SYNE2: variants seen among roughly 807,000 people sequenced by gnomAD.
The protein encoded by SYNE2 is spectrin repeat containing nuclear envelope protein 2.
In SYNE2, 431 loss-of-function variants were observed where a neutral mutation model predicts 856.3. The ratio of observed to expected loss-of-function variants is 0.50; its 90% CI spans 0.47 to 0.55. SYNE2 has a LOEUF of 0.55. SYNE2 is among the 20% of genes least tolerant of loss of function. The pLI, the probability that SYNE2 is intolerant of heterozygous loss-of-function variation, is 0.00. For synonymous variants in SYNE2, 2,923 were observed against 2,872.3 expected, an observed-to-expected ratio of 1.02 and a Z score of -0.56; for missense variants, 8,129 against 8,023.2, an observed-to-expected ratio of 1.01 and a Z score of -0.50.
intron 79 of SYNE2, among the ~76,000 whole-genome samples, chr14:64,139,478 C>T (rs2098123728): frequency 6.6e-6 from 1 of 151,838 alleles, no homozygotes; most frequent in South Asian, 2.1e-4. Context: ...GTGGCGCAAT[C>T]TCGGCTCACT....
chr14:64,089,843 C>G, intron 59 of SYNE2, 147 bp downstream of exon 59: 1 of 647,412 alleles, frequency 1.5e-6, no homozygotes, highest in Non-Finnish European at 2.6e-6. Flanking sequence ...ATAACTATAA[C>G]TGTATATTTA....
intron 45 of SYNE2, among the ~76,000 whole-genome samples, chr14:64,038,762 A>G: frequency 6.6e-6 from 1 of 152,228 alleles, no homozygotes; most frequent in Admixed American, 6.5e-5. Context: ...AGAATCAGGC[A>G]GGGAGGTTGC....
At chr14:63,822,796 G>A (rs74677049) in intron 1 of SYNE2, among the ~76,000 whole-genome samples, 1 of 152,100 alleles carries the variant, frequency 6.6e-6, no homozygotes, top group Admixed American at 6.6e-5. Context: ...TATAACGGTA[G>A]ACACCTATAT....
chr14:63,860,589 A>C (rs1025984398), intron 1 of SYNE2, among the ~76,000 whole-genome samples: 1 of 152,014 alleles, frequency 6.6e-6, no homozygotes, highest in African/African-American at 2.4e-5. Context: ...TGGTGCTTGG[A>C]TTTTCCTAGA....
rs530177448 is a variant in SYNE2 at position 64,002,762 on chromosome 14, C to T, written c.3829C>T (p.Arg1277Cys). 3.0e-5 allele frequency: 48 copies of T among 1,613,468 alleles called. No homozygotes were observed. Among genetic ancestry groups the T allele is most frequent in the South Asian group, 1.3e-4 (12 of 91,016 alleles). Reference sequence around the variant, plus strand: ...AGCAAAACAGATTGAAATATGTAACCGCTTAGAAGAGCCAGGCAACTTTGT... The same window carrying T: ...AGCAAAACAGATTGAAATATGTAACTGCTTAGAAGAGCCAGGCAACTTTGT... ...SIAKQIEICN[R>C]LEEPGNFVLK... The change falls in exon 30 of 116, where the codon CGC becomes TGC. Residue 1277 changes from arginine to cysteine, a missense_variant. Physicochemically the swap from Arg to Cys is radical, Grantham distance 180. Coordinates refer to ENST00000555002, the MANE Select transcript of SYNE2 (RefSeq NM_182914.3).
At chr14:64,055,856 A>G (rs980762947) in intron 48 of SYNE2, 88 bp from the exon 49 acceptor site, 51 of 907,078 alleles carry the variant, frequency 5.6e-5, no homozygotes, top group Non-Finnish European at 8.5e-5. Context: ...TCAGAGACAT[A>G]TTATCTATGT....
In SYNE2 at chr14:64,087,680, G is replaced by A. The variant is rs1156350923; in HGVS notation, c.11494G>A (p.Glu3832Lys). 6.2e-7 allele frequency: 1 copy of A among 1,613,958 alleles called. No individual in the cohort carries two copies. Among genetic ancestry groups the A allele is most frequent in the Admixed American group, 1.7e-5 (1 of 60,012 alleles). Residue 3832 changes from glutamate (E) to lysine (K), a missense_variant, in exon 58 of 116, where the codon GAA (glutamate) becomes AAA (lysine). Physicochemically the swap from Glu to Lys is moderately conservative, Grantham distance 56 (BLOSUM62 1). Around this residue, in one of 3 missense-constraint regions of SYNE2, gnomAD observed 5,410 missense variants for 5,284.8 expected, o/e 1.02. Coordinates refer to ENST00000555002, the MANE Select transcript of SYNE2 (RefSeq NM_182914.3). ...TTCTGTGTTTATCTAGATGGCTTTG[G>A]AAGATTCAGAACAGAAGCACAATCT... is the stretch of plus-strand genomic sequence containing the variant. The part of the protein sequence containing the change: ...HHASTVQMAL[E>K]DSEQKHNLLH...
At chr14:64,164,042 C>T (rs2098352141) in intron 89 of SYNE2, among the ~76,000 whole-genome samples, 1 of 152,126 alleles carries the variant, frequency 6.6e-6, no homozygotes, top group South Asian at 2.1e-4. Flanking sequence ...GCCTCAGCCT[C>T]CCGGATAGCT....
chr14:63,846,529 C>A (rs1272488434), intron 1 of SYNE2, among the ~76,000 whole-genome samples: 1 of 151,638 alleles, frequency 6.6e-6, no homozygotes, highest in Non-Finnish European at 1.5e-5. Context: ...ATTCTGTTTT[C>A]CATTTCATCC....
In SYNE2 at chr14:63,919,972, G is replaced by GTTTTTTTTTTTTTTTTTTTTTT. The variant is rs10673123; in HGVS notation, c.79+10764_79+10765insTTTTTTTTTTTTTTTTTTTTTT. 2.4e-4 allele frequency among the ~76,000 whole-genome samples: 26 copies of GTTTTTTTTTTTTTTTTTTTTTT among 110,592 alleles called. No homozygotes were observed. In the Middle Eastern group the frequency reaches 0.015, roughly 64 times the overall value. The allele number at this position is 110,592 out of a possible 152,430, so 72.6% of individuals were successfully genotyped here. ...ATATCAGGCACATGATAAAAGGTAAGTTTTTTTTTTTTTTTTTTTAAGGTA... is the reference window on the plus strand; with the variant it reads ...ATATCAGGCACATGATAAAAGGTAAGTTTTTTTTTTTTTTTTTTTTTTTTTTTTTTTTTTTTTTTTTAAGGTA... On this transcript the variant is annotated intron_variant, in intron 2 of 115. Coordinates refer to ENST00000555002, the MANE Select transcript of SYNE2 (RefSeq NM_182914.3).
At chr14:63,782,097 T>C (rs1274616579) in intron 1 of SYNE2, among the ~76,000 whole-genome samples, 2 of 150,134 alleles carry the variant, frequency 1.3e-5, no homozygotes, top group South Asian at 2.1e-4. Flanking sequence ...TTCATGCCAC[T>C]GCACTTTAAG....
At chr14:64,064,337 T>G (rs921497724) in intron 50 of SYNE2, among the ~76,000 whole-genome samples, 1 of 152,138 alleles carries the variant, frequency 6.6e-6, no homozygotes, top group Non-Finnish European at 1.5e-5. Context: ...CCAGGTGGGA[T>G]GGAGAGAGAT....
chr14:64,030,634 T>C (rs1351217703), intron 44 of SYNE2, among the ~76,000 whole-genome samples: 1 of 152,236 alleles, frequency 6.6e-6, no homozygotes, highest in Non-Finnish European at 1.5e-5. Flanking sequence ...TAGCATTAGA[T>C]TCATTGGGTA....
At chr14:63,947,113 G>A (rs887602793) in intron 6 of SYNE2, among the ~76,000 whole-genome samples, 5 of 152,174 alleles carry the variant, frequency 3.3e-5, no homozygotes, top group African/African-American at 1.2e-4. Context: ...GCCTCCCAAA[G>A]TGCTGGGATT....
At chr14:64,000,472 A>G in intron 27 of SYNE2, 90 bp from the exon 28 acceptor site, 1 of 1,195,844 alleles carries the variant, frequency 8.4e-7, no homozygotes. Context: ...GTTTGCTTCC[A>G]CAGTTGGTGA....
chr14:64,221,412 A>G lies in SYNE2; in HGVS notation c.20062-164A>G. On this transcript the variant is annotated intron_variant, in intron 111 of 115. Coordinates refer to ENST00000555002, the MANE Select transcript of SYNE2 (RefSeq NM_182914.3). ...GTGTCTTCCTTCTTTCCTCTTCCTC[A>G]TTTTGGGGCCCTGGCATTTAGTTTA... The G allele has an allele frequency of 5.4e-6, 7 of 1,288,184 alleles. No homozygotes were observed. In the South Asian group the frequency reaches 8.0e-5, roughly 15 times the overall value. The allele number at this position is 1,288,184 out of a possible 1,614,324, so 79.8% of individuals were successfully genotyped here.
intron 64 of SYNE2, among the ~76,000 whole-genome samples, chr14:64,104,472 CAG>C (rs2097758393): frequency 8.0e-6 from 1 of 124,656 alleles, no homozygotes; most frequent in Non-Finnish European, 1.6e-5. Context: ...TTTTTTGAGA[CAG>C]AGTCTCGATC....
intron 57 of SYNE2, among the ~76,000 whole-genome samples, chr14:64,086,908 C>T (rs1255019684): frequency 6.6e-6 from 1 of 151,260 alleles, no homozygotes; most frequent in African/African-American, 2.4e-5. Flanking sequence ...CAGGGTTTTG[C>T]CATGTTGGCC....
intron 8 of SYNE2, among the ~76,000 whole-genome samples, chr14:63,960,160 C>T (rs976010736): frequency 5.3e-5 from 8 of 152,112 alleles, no homozygotes; most frequent in African/African-American, 1.9e-4. Flanking sequence ...TCTCTTGGTG[C>T]TTATATCTTT....
Sources: allele counts gnomAD v4.1 joint callset (sites outside exome capture counted in the v4.1 genomes callset), GRCh38; gene constraint gnomAD v4.1.1; regional missense constraint gnomAD v4.1.1; transcripts MANE v1.5; gene names NCBI Gene and HGNC (gene_info 2026-07-23, HGNC 2026-07-21).